TTC3: variants seen among roughly 807,000 people sequenced by gnomAD.
The protein encoded by TTC3 is tetratricopeptide repeat domain 3, also known as E3 ubiquitin-protein ligase TTC3.
In TTC3, 180 loss-of-function variants were observed where a neutral mutation model predicts 249.6. The observed-to-expected ratio is 0.72, with a 90% CI of 0.64 to 0.82. The LOEUF is 0.82. TTC3 is among the 40% of genes least tolerant of loss of function. The pLI, the probability that TTC3 is intolerant of heterozygous loss-of-function variation, is 0.00. For synonymous variants in TTC3, 717 were observed against 805.0 expected (o/e 0.89, Z 1.85); for missense variants, 2,061 against 2,398.4 (o/e 0.86, Z 2.94).
intron 26 of TTC3, among the ~76,000 whole-genome samples, chr21:37,152,644 C>G (rs1359730592): frequency 1.3e-5 from 2 of 152,094 alleles, no homozygotes; most frequent in Non-Finnish European, 2.9e-5. Flanking sequence ...TCCCAAAGTG[C>G]TGGGATTACA....
At chr21:37,195,401 T>G (rs891842076) in intron 41 of TTC3, among the ~76,000 whole-genome samples, 1 of 152,184 alleles carries the variant, frequency 6.6e-6, no homozygotes, top group Non-Finnish European at 1.5e-5. Flanking sequence ...GGAGGGCCAG[T>G]AGGCAGGCAA....
At chr21:37,108,281 A>G in intron 10 of TTC3, 111 bp from the exon 11 acceptor site, 1 of 773,576 alleles carries the variant, frequency 1.3e-6, no homozygotes. Context: ...AATTAAAATT[A>G]TCTTTTGACT....
intron 11 of TTC3, 72 bp from the exon 12 acceptor site, chr21:37,121,745 A>G (rs1166630956): frequency 2.2e-6 from 3 of 1,391,472 alleles, no homozygotes; most frequent in South Asian, 1.7e-5. Context: ...CAAGCAAAAC[A>G]TTTTTCCTTA....
chr21:37,160,548 A>C (rs1266587854), intron 29 of TTC3, among the ~76,000 whole-genome samples: 1 of 152,222 alleles, frequency 6.6e-6, no homozygotes, highest in Admixed American at 6.5e-5. Flanking sequence ...TTGAAATAAC[A>C]GTCCAACCCT....
exon 32 of TTC3, chr21:37,164,134 A>T (rs750895375): frequency 1.9e-6 from 3 of 1,613,762 alleles, no homozygotes; most frequent in Middle Eastern, 1.7e-4. Context: ...GCTCTCTATG[A>T]CCAACACAGT....
intron 11 of TTC3, among the ~76,000 whole-genome samples, chr21:37,118,578 G>A (rs190012661): frequency 6.6e-6 from 1 of 152,302 alleles, no homozygotes; most frequent in Admixed American, 6.5e-5. Context: ...GTGAATGACA[G>A]AAACTGAACT....
chr21:37,162,748 A>G (rs1044253679), intron 31 of TTC3, among the ~76,000 whole-genome samples: 3 of 152,318 alleles, frequency 2.0e-5, no homozygotes, highest in African/African-American at 4.8e-5. Flanking sequence ...TTGGGCTGCT[A>G]TAACAATATA....
At chr21:37,149,166 T>C (rs1404318193) in intron 23 of TTC3, among the ~76,000 whole-genome samples, 1 of 152,196 alleles carries the variant, frequency 6.6e-6, no homozygotes, top group Non-Finnish European at 1.5e-5. Flanking sequence ...TGATGTTAAT[T>C]ACCATTAAGT....
intron 11 of TTC3, 128 bp from the exon 12 acceptor site, chr21:37,121,689 C>A: frequency 1.2e-6 from 1 of 841,214 alleles, no homozygotes; most frequent in Non-Finnish European, 1.7e-6. Flanking sequence ...ATTTATTTTT[C>A]ATTGGTAGGG....
At chr21:37,145,193 T>C (rs1295092107) in intron 21 of TTC3, among the ~76,000 whole-genome samples, 1 of 152,240 alleles carries the variant, frequency 6.6e-6, no homozygotes, top group East Asian at 1.9e-4. Flanking sequence ...GTGAAATGAC[T>C]GAGATAGGCT....
chr21:37,098,111 C>G, intron 10 of TTC3: 2 of 536,646 alleles, frequency 3.7e-6, no homozygotes, highest in Non-Finnish European at 6.7e-6. Flanking sequence ...TCCATCAATA[C>G]CACTGTCCTC....
chr21:37,192,020 C>G, intron 40 of TTC3, 92 bp from the exon 41 acceptor site: 1 of 784,180 alleles, frequency 1.3e-6, no homozygotes, highest in Non-Finnish European at 2.0e-6. Context: ...ATTTCCTTAC[C>G]AAGACAGTTA....
At chr21:37,159,102 CTA>C (rs1470577222) in intron 28 of TTC3, among the ~76,000 whole-genome samples, 1 of 152,176 alleles carries the variant, frequency 6.6e-6, no homozygotes, top group Non-Finnish European at 1.5e-5. Context: ...TCATCATCCT[CTA>C]TCTCTGAGCA....
chr21:37,157,177 A>T lies in TTC3; in HGVS notation c.2992+271A>T, dbSNP rs757569480. 5 of 1,373,546 alleles carry T rather than the reference A, an allele frequency of 3.6e-6. No individual in the cohort carries two copies. In the South Asian group the frequency reaches 4.9e-5, roughly 13 times the overall value. 85.1% of individuals were successfully genotyped at this position (1,373,546 alleles called of 1,614,324 possible). A position where few individuals can be genotyped will look rare whatever the true frequency, so the allele number is the denominator to read the frequency against. On this transcript the variant is annotated intron_variant, in intron 28 of 45. Coordinates refer to ENST00000355666, the Ensembl canonical transcript of TTC3. Reference sequence around the variant, plus strand: ...CCGTCTTAGATATTTTCACAGCATCATGGGAAAGATTGCATGTTACACTGA... The same window carrying T: ...CCGTCTTAGATATTTTCACAGCATCTTGGGAAAGATTGCATGTTACACTGA...
chr21:37,112,820 A>G (rs1480600377), intron 11 of TTC3, among the ~76,000 whole-genome samples: 3 of 152,202 alleles, frequency 2.0e-5, no homozygotes, highest in Non-Finnish European at 2.9e-5. Flanking sequence ...GAATCCAGCA[A>G]CACATCAAAA....
At chr21:37,077,117 T>C (rs1246227603) in intron 1 of TTC3, among the ~76,000 whole-genome samples, 4 of 151,950 alleles carry the variant, frequency 2.6e-5, no homozygotes, top group African/African-American at 4.8e-5. Context: ...TTTTATGTTA[T>C]CAGGGTATAT....
chr21:37,113,943 T>C (rs1223712338), intron 11 of TTC3, among the ~76,000 whole-genome samples: 3 of 152,162 alleles, frequency 2.0e-5, no homozygotes, highest in Admixed American at 6.6e-5. Context: ...GGGGAAAGGA[T>C]TCCCTATTTA....
At chr21:37,081,789 C>T (rs546045365) in intron 1 of TTC3, 1 of 151,758 alleles carries the variant, frequency 6.6e-6, no homozygotes, top group African/African-American at 2.4e-5. Context: ...CACCAATTTT[C>T]TCTTCAACTG....
intron 20 of TTC3, among the ~76,000 whole-genome samples, chr21:37,144,314 A>G (rs2078790977): frequency 6.6e-6 from 1 of 152,178 alleles, no homozygotes. Flanking sequence ...CCAGTGTCCA[A>G]GACGAGTTGT....
Sources: gnomAD v4.1 joint callset for allele counts (sites outside exome capture counted in the v4.1 genomes callset) on GRCh38, gnomAD v4.1.1 for gene constraint, MANE v1.5 for transcripts, NCBI Gene and HGNC (gene_info 2026-07-23, HGNC 2026-07-21) for gene names.